SCARA5: variants seen among roughly 807,000 people sequenced by gnomAD.
SCARA5 encodes the protein scavenger receptor class A, member 5 (putative).
In SCARA5, 45 loss-of-function variants were observed where a neutral mutation model predicts 46.3. The observed-to-expected ratio is 0.97, with a 90% CI of 0.76 to 1.24. The LOEUF is 1.24. Among genes scored for constraint, SCARA5 ranks in the 50% most tolerant of loss-of-function variants. The pLI is 0.00. For missense variants in SCARA5, 680 were observed against 689.0 expected (o/e 0.99, Z 0.15); for synonymous variants, 333 against 306.5 (o/e 1.09, Z -0.90).
rs112105613 is a variant in SCARA5, at chr8:27,914,627, G to A, written c.917-4884C>T. ...GCCATGACATCTGTTGTTCCAAGAG[G>A]TACCCAGGTTAGCTTTTTCACTTCT... is the stretch of plus-strand genomic sequence containing the variant. On this transcript the variant is annotated intron_variant, in intron 4 of 8. Coordinates refer to ENST00000354914, the MANE Select transcript of SCARA5 (RefSeq NM_173833.6). 1.6e-3 allele frequency among the ~76,000 whole-genome samples: 239 copies of A among 152,356 alleles called. 2 individuals are homozygous for A. The highest frequency in any genetic ancestry group is 5.5e-3 in the African/African-American group (228 of 41,580).
intron 7 of SCARA5, among the ~76,000 whole-genome samples, chr8:27,895,897 C>T (rs4732787): frequency 1.3e-5 from 2 of 152,148 alleles, no homozygotes; most frequent in Admixed American, 1.3e-4. Context: ...TCCTGGCTAC[C>T]CGGTGTTCAA....
At chr8:27,897,997 C>T (rs1469056091) in intron 7 of SCARA5, among the ~76,000 whole-genome samples, 1 of 152,214 alleles carries the variant, frequency 6.6e-6, no homozygotes, top group African/African-American at 2.4e-5. Flanking sequence ...TTTTTCCCTG[C>T]CAGGGCACGG....
chr8:27,932,730 G>C (rs946743906), intron 3 of SCARA5, among the ~76,000 whole-genome samples: 1 of 152,244 alleles, frequency 6.6e-6, no homozygotes, highest in African/African-American at 2.4e-5. Flanking sequence ...CTGGGTTCAA[G>C]TGATTCTCCT....
intron 2 of SCARA5, among the ~76,000 whole-genome samples, chr8:27,979,352 G>T (rs1173816471): frequency 1.3e-5 from 2 of 152,230 alleles, no homozygotes; most frequent in Non-Finnish European, 2.9e-5. Context: ...CATTTTTGGG[G>T]TGTGGTCTAT....
intron 3 of SCARA5, among the ~76,000 whole-genome samples, chr8:27,952,895 A>G (rs1808151169): frequency 6.6e-6 from 1 of 152,190 alleles, no homozygotes; most frequent in African/African-American, 2.4e-5. Context: ...AACAGAAGGG[A>G]GCCTTTTGTC....
At position 27,921,795 on chromosome 8, in the gene SCARA5, T is replaced by C. The variant is rs200473603; in HGVS notation, c.692A>G (p.Asn231Ser). ...GGCCACGTCGTAGGACAGGCTGTGG[T>C]TGAGGCCGCGCAGCACGCCGCCCAC... ...ADVGGVLRGL[N>S]HSLSYDVALH... The change falls in exon 4 of 9, where the codon AAC (asparagine) becomes AGC (serine). Residue 231 changes from asparagine to serine, a missense_variant. Coordinates refer to ENST00000354914, the MANE Select transcript of SCARA5 (RefSeq NM_173833.6). 3.8e-6 allele frequency: 6 copies of C among 1,565,706 alleles called. No individual in the cohort carries two copies. In the East Asian group the frequency reaches 1.4e-4, roughly 37 times the overall value.
chr8:27,967,784 G>A lies in SCARA5; in HGVS notation c.113-1242C>T, dbSNP rs1306357481. On this transcript the variant is annotated intron_variant, in intron 2 of 8. Transcript: ENST00000354914. Reference sequence around the variant, plus strand: ...AAAAATTAGCTGGGCGTGGTGTCGCGTGCTTGTAATCCCAGCTACTTGGGA... The same window carrying A: ...AAAAATTAGCTGGGCGTGGTGTCGCATGCTTGTAATCCCAGCTACTTGGGA... Among the ~76,000 whole-genome samples, 6 of 152,164 alleles carry A rather than the reference G, an allele frequency of 3.9e-5. No homozygotes were observed. The South Asian group carries it at 6.2e-4, about 16-fold the overall frequency.
intron 7 of SCARA5, among the ~76,000 whole-genome samples, chr8:27,892,849 G>A (rs561944297): frequency 5.9e-4 from 90 of 152,054 alleles, no homozygotes; most frequent in Admixed American, 1.5e-3. Flanking sequence ...CTCGTGATCC[G>A]CCTGCCTGGG....
chr8:27,985,884 T>C (rs1439859455), intron 2 of SCARA5, among the ~76,000 whole-genome samples: 1 of 152,218 alleles, frequency 6.6e-6, no homozygotes, highest in Non-Finnish European at 1.5e-5. Context: ...AGGGTTGCTG[T>C]TAATTTCCAG....
chr8:27,921,437 T>G (rs981561850), intron 4 of SCARA5, 134 bp downstream of exon 4: 181 of 707,134 alleles, frequency 2.6e-4, no homozygotes, highest in Middle Eastern at 4.0e-4. Context: ...TTAGAGAGTA[T>G]GGGGCTGGGA....
intron 4 of SCARA5, among the ~76,000 whole-genome samples, chr8:27,917,293 A>G (rs1329550984): frequency 1.3e-5 from 2 of 152,192 alleles, no homozygotes; most frequent in African/African-American, 2.4e-5. Flanking sequence ...GAAAGACTAC[A>G]TGGAGGATCC....
intron 2 of SCARA5, among the ~76,000 whole-genome samples, chr8:27,975,696 GT>G (rs143321203): frequency 6.6e-6 from 1 of 151,506 alleles, no homozygotes; most frequent in Non-Finnish European, 1.5e-5. Context: ...AAACATTTTG[GT>G]TTTTTTTTCC....
intron 3 of SCARA5, among the ~76,000 whole-genome samples, chr8:27,952,776 G>A (rs528313140): frequency 5.5e-4 from 84 of 152,276 alleles, no homozygotes; most frequent in Middle Eastern, 3.4e-3. Context: ...TTATTGTAGC[G>A]AAACACTGTG....
intron 3 of SCARA5, among the ~76,000 whole-genome samples, chr8:27,935,104 C>G (rs1807833654): frequency 6.6e-6 from 1 of 152,186 alleles, no homozygotes; most frequent in Non-Finnish European, 1.5e-5. Context: ...ATCGATTCTC[C>G]CTGAACCTCC....
At chr8:27,965,476 C>T (rs1424829554) in intron 3 of SCARA5, among the ~76,000 whole-genome samples, 1 of 152,204 alleles carries the variant, frequency 6.6e-6, no homozygotes, top group Non-Finnish European at 1.5e-5. Context: ...CATTGGGCTA[C>T]ACCCCATCAC....
chr8:27,965,562 G>A (rs1480790810), intron 3 of SCARA5, among the ~76,000 whole-genome samples: 3 of 152,218 alleles, frequency 2.0e-5, no homozygotes, highest in African/African-American at 4.8e-5. Flanking sequence ...GGAGCTCCTT[G>A]AGAGAAGCCC....
chr8:27,969,646 G>A (rs1022135221), intron 2 of SCARA5, among the ~76,000 whole-genome samples: 1 of 152,156 alleles, frequency 6.6e-6, no homozygotes, highest in Non-Finnish European at 1.5e-5. Context: ...TAATGTAAAT[G>A]ATGGGCTCTG....
At chr8:27,938,944 A>G (rs1255035892) in intron 3 of SCARA5, among the ~76,000 whole-genome samples, 2 of 152,198 alleles carry the variant, frequency 1.3e-5, no homozygotes, top group Non-Finnish European at 2.9e-5. Context: ...GATCATTTCA[A>G]TACTTCTTGC....
At chr8:27,884,195 C>T (rs1454129856) in intron 7 of SCARA5, among the ~76,000 whole-genome samples, 1 of 152,190 alleles carries the variant, frequency 6.6e-6, no homozygotes, top group Non-Finnish European at 1.5e-5. Context: ...TCATCCCTGG[C>T]CAGGTGACCG....
Sources: allele counts gnomAD v4.1 joint callset (sites outside exome capture counted in the v4.1 genomes callset), GRCh38; gene constraint gnomAD v4.1.1; transcripts MANE v1.5; gene names NCBI Gene and HGNC (gene_info 2026-07-23, HGNC 2026-07-21).